The following RAB38 variants were observed in gnomAD, a reference collection of about 807,000 sequenced individuals.
RAB38 encodes ras-related protein Rab-38.
Under a neutral mutation model 18.4 loss-of-function variants are expected in RAB38, and 15 were observed. The observed-to-expected ratio is 0.82, with a 90% CI of 0.55 to 1.26. The LOEUF is 1.26. RAB38 is among the 50% of genes most tolerant of loss of function. RAB38 has a pLI of 0.00. For synonymous variants in RAB38, 101 were observed against 104.4 expected, an observed-to-expected ratio of 0.97 and a Z score of 0.20; for missense variants, 294 against 267.4, an observed-to-expected ratio of 1.10 and a Z score of -0.69.
At chr11:88,008,535 C>T in the RAB38 span, among the ~76,000 whole-genome samples, 1 of 152,050 alleles carries the variant, frequency 6.6e-6, no homozygotes, top group Non-Finnish European at 1.5e-5. Flanking sequence ...GAAGAAGCCT[C>T]CAGGTGATTC....
chr11:87,811,616 T>G, the RAB38 span, among the ~76,000 whole-genome samples: 1 of 152,284 alleles, frequency 6.6e-6, no homozygotes, highest in South Asian at 2.1e-4. Flanking sequence ...GCTGCTGCTC[T>G]CAGTTGTACG....
At chr11:88,150,117 T>C (rs1486166914) in intron 1 of RAB38, among the ~76,000 whole-genome samples, 162 bp from the exon 2 acceptor site, 1 of 152,224 alleles carries the variant, frequency 6.6e-6, no homozygotes, top group Non-Finnish European at 1.5e-5. Context: ...ATGTAGCTTG[T>C]TCTTGATTTT....
the RAB38 span, among the ~76,000 whole-genome samples, chr11:88,070,978 A>G: frequency 1.3e-5 from 2 of 152,236 alleles, no homozygotes; most frequent in East Asian, 3.8e-4. Context: ...AAAGCCAAGC[A>G]TGGGCTAATA....
chr11:88,127,417 T>C (rs1942712321), intron 2 of RAB38, among the ~76,000 whole-genome samples: 1 of 152,214 alleles, frequency 6.6e-6, no homozygotes, highest in African/African-American at 2.4e-5. Flanking sequence ...ACAGAACTCT[T>C]ATCTAATGCT....
At chr11:88,110,649 T>C (rs1942461557), downstream of RAB38, among the ~76,000 whole-genome samples, 3 of 151,876 alleles carry the variant, frequency 2.0e-5, no homozygotes, top group Middle Eastern at 3.4e-3. Context: ...AAACCCCACC[T>C]CTACTAAAAA....
At chr11:88,054,046 A>G in the RAB38 span, among the ~76,000 whole-genome samples, 3 of 152,176 alleles carry the variant, frequency 2.0e-5, no homozygotes, top group East Asian at 5.8e-4. Context: ...TCTCATGTTC[A>G]CGAACTGCGA....
At chr11:87,814,378 C>G in the RAB38 span, among the ~76,000 whole-genome samples, 6 of 152,250 alleles carry the variant, frequency 3.9e-5, no homozygotes, top group South Asian at 2.1e-4. Flanking sequence ...TATAGCTGAT[C>G]AAGAGATTTT....
chr11:87,836,297 A>G, the RAB38 span, among the ~76,000 whole-genome samples: 1 of 152,262 alleles, frequency 6.6e-6, no homozygotes, highest in East Asian at 1.9e-4. Flanking sequence ...ATGACTAAAT[A>G]TATTTCTCTT....
chr11:88,027,549 A>G, the RAB38 span, among the ~76,000 whole-genome samples: 12 of 152,214 alleles, frequency 7.9e-5, no homozygotes, highest in African/African-American at 2.9e-4. Context: ...GGCCTTAAAA[A>G]ACGGCGCACC....
chr11:88,036,584 G>T, the RAB38 span, among the ~76,000 whole-genome samples: 1 of 151,802 alleles, frequency 6.6e-6, no homozygotes, highest in Non-Finnish European at 1.5e-5. Flanking sequence ...TTTTTTCTTA[G>T]AACATTTTAT....
At position 88,149,733 on chromosome 11, in the gene RAB38, T is replaced by A. The variant is rs985797965; in HGVS notation, c.425A>T (p.Lys142Met). Residue 142 changes from lysine (K) to methionine (M), a missense_variant, in exon 2 of 3, where the codon AAG becomes ATG. Lys to Met is a moderately conservative substitution (Grantham distance 95). Transcript: ENST00000243662. ...GTGCTCCTTGCAGAACTGGTCCATC[T>A]TGAGGCCATTGTTCATGAGCACATC... ...GKDVLMNNGL[K>M]MDQFCKEHGF... 3 of 1,614,102 alleles carry A rather than the reference T, an allele frequency of 1.9e-6. No homozygotes were observed. Among genetic ancestry groups the A allele is most frequent in the Non-Finnish European group, 2.5e-6 (3 of 1,180,032 alleles).
chr11:87,874,149 T>A, the RAB38 span, among the ~76,000 whole-genome samples: 1 of 151,092 alleles, frequency 6.6e-6, no homozygotes, highest in African/African-American at 2.4e-5. Context: ...ATAGAGAAAT[T>A]TTTTTATGTT....
chr11:87,932,536 T>C, the RAB38 span, among the ~76,000 whole-genome samples: 1 of 152,080 alleles, frequency 6.6e-6, no homozygotes, highest in Non-Finnish European at 1.5e-5. Flanking sequence ...AAATCTCTTC[T>C]GAACTTCCTT....
chr11:87,847,390 C>A, the RAB38 span, among the ~76,000 whole-genome samples: 1 of 151,908 alleles, frequency 6.6e-6, no homozygotes, highest in Non-Finnish European at 1.5e-5. Context: ...CAAATTTGAT[C>A]CTTTACATGA....
At chr11:88,056,720 C>T in the RAB38 span, among the ~76,000 whole-genome samples, 1 of 152,012 alleles carries the variant, frequency 6.6e-6, no homozygotes, top group Non-Finnish European at 1.5e-5. Context: ...AGGAGAATGG[C>T]GTGAACATGG....
chr11:87,973,981 T>G, the RAB38 span, among the ~76,000 whole-genome samples: 5 of 151,586 alleles, frequency 3.3e-5, no homozygotes, highest in Admixed American at 6.6e-5. Flanking sequence ...ATCAATAAAA[T>G]CCATCATTCT....
the RAB38 span, among the ~76,000 whole-genome samples, chr11:88,080,534 GACAA>G: frequency 7.7e-3 from 1,166 of 151,590 alleles, 14 homozygotes; most frequent in African/African-American, 0.027. Context: ...TTGAGAAAGT[GACAA>G]ACAGATTCTA....
chr11:88,039,756 A>C, the RAB38 span, among the ~76,000 whole-genome samples: 1 of 152,218 alleles, frequency 6.6e-6, no homozygotes, highest in African/African-American at 2.4e-5. Context: ...CTTAGCCTAG[A>C]GGAGAACTTC....
chr11:88,029,401 G>C, the RAB38 span, among the ~76,000 whole-genome samples: 1 of 151,636 alleles, frequency 6.6e-6, no homozygotes, highest in African/African-American at 2.4e-5. Context: ...AATGTAAATG[G>C]GCTAAATGCT....
Sources: gnomAD v4.1 joint callset for allele counts (sites outside exome capture counted in the v4.1 genomes callset) on GRCh38, gnomAD v4.1.1 for gene constraint, MANE v1.5 for transcripts, NCBI Gene and HGNC (gene_info 2026-07-23, HGNC 2026-07-21) for gene names.